The following TENM2 variants were observed in gnomAD, a reference collection of about 807,000 sequenced individuals.
TENM2 encodes the protein teneurin transmembrane protein 2, also known as teneurin-2.
Under a neutral mutation model 245.2 loss-of-function variants are expected in TENM2, and 52 were observed. That is an observed-to-expected ratio of 0.21 (90% CI 0.17 to 0.27). The LOEUF is 0.27. TENM2 is among the 10% of genes least tolerant of loss of function. The pLI is 1.00. For synonymous variants in TENM2, 1,363 were observed against 1,438.9 expected, an observed-to-expected ratio of 0.95 and a Z score of 1.19; for missense variants, 3,046 against 3,666.8, an observed-to-expected ratio of 0.83 and a Z score of 4.37.
chr5:167,307,093 G>T (rs2127746291), intron 1 of TENM2, among the ~76,000 whole-genome samples: 1 of 152,324 alleles, frequency 6.6e-6, no homozygotes, highest in African/African-American at 2.4e-5. Flanking sequence ...CCAGAGGGAA[G>T]AAATCAAATC....
chr5:167,038,099 G>GACCT, the TENM2 span, among the ~76,000 whole-genome samples: 1 of 152,180 alleles, frequency 6.6e-6, no homozygotes, highest in South Asian at 2.1e-4. Context: ...AAGACTGAGG[G>GACCT]ACCTTCTTAG....
intron 2 of TENM2, among the ~76,000 whole-genome samples, chr5:167,581,884 G>A (rs1202943991): frequency 6.6e-6 from 1 of 151,396 alleles, no homozygotes; most frequent in Non-Finnish European, 1.5e-5. Flanking sequence ...TGAATTTTCA[G>A]TTGTAGATAT....
intron 2 of TENM2, among the ~76,000 whole-genome samples, chr5:167,448,484 G>A (rs902054776): frequency 1.3e-5 from 2 of 149,082 alleles, no homozygotes; most frequent in African/African-American, 5.0e-5. Context: ...TTTAAGATTT[G>A]GATCGGTTTT....
At chr5:167,391,577 A>G (rs1761754401) in intron 2 of TENM2, among the ~76,000 whole-genome samples, 1 of 138,898 alleles carries the variant, frequency 7.2e-6, no homozygotes, top group African/African-American at 2.7e-5. Flanking sequence ...GTGAGCCAAG[A>G]TTGTGCCACT....
the TENM2 span, among the ~76,000 whole-genome samples, chr5:167,229,869 G>T: frequency 6.6e-6 from 1 of 152,164 alleles, no homozygotes. Context: ...GGGCAGGATT[G>T]GTTTCCCTGG....
chr5:167,187,828 AAAT>A, the TENM2 span, among the ~76,000 whole-genome samples: 1 of 152,114 alleles, frequency 6.6e-6, no homozygotes, highest in Non-Finnish European at 1.5e-5. Context: ...TAAAGAGGGA[AAAT>A]AATTGCTGCT....
Position 167,880,168 on chromosome 5 carries a change from G to A in TENM2, c.712+3973G>A, listed in dbSNP as rs182250549. On this transcript the variant is annotated intron_variant, in intron 3 of 28. Coordinates refer to ENST00000518659, the Ensembl canonical transcript of TENM2. Reference sequence around the variant, plus strand: ...ATGCCTCAGCCTCCCTAGTAGCTGGGATTACAGGTGCACACCACCATACTT... The same window carrying A: ...ATGCCTCAGCCTCCCTAGTAGCTGGAATTACAGGTGCACACCACCATACTT... 2.2e-4 allele frequency among the ~76,000 whole-genome samples: 33 copies of A among 152,184 alleles called. No individual in the cohort carries two copies. The East Asian group carries it at 6.2e-3, about 29-fold the overall frequency.
chr5:167,098,026 G>A, the TENM2 span, among the ~76,000 whole-genome samples: 16 of 152,048 alleles, frequency 1.1e-4, no homozygotes, highest in East Asian at 3.9e-4. Context: ...TTTTTCCTCC[G>A]AGTTTATGTT....
At chr5:167,417,503 C>A (rs1763230139) in intron 2 of TENM2, among the ~76,000 whole-genome samples, 1 of 152,142 alleles carries the variant, frequency 6.6e-6, no homozygotes, top group Non-Finnish European at 1.5e-5. Context: ...GCCTACAGAA[C>A]TTATGTGCTT....
chr5:167,456,304 T>C (rs6555746), intron 2 of TENM2, among the ~76,000 whole-genome samples: 150,202 of 152,294 alleles, frequency 0.99, 74,099 homozygotes, highest in Middle Eastern at 1. Flanking sequence ...ATTACTTAAT[T>C]TTATTCCATA....
At position 167,551,880 on chromosome 5, in the gene TENM2, C is replaced by T. The variant is rs554385061; in HGVS notation, c.502+176407C>T. ...CTGCAGTACTTGAATCATGAAGTCT[C>T]CCAAGTTGGTGTTGACTTCTAGGCT... On this transcript the variant is annotated intron_variant, in intron 2 of 28. Transcript: ENST00000518659. Among the ~76,000 whole-genome samples, 9 of 152,198 alleles carry T rather than the reference C, an allele frequency of 5.9e-5. No homozygotes were observed. The East Asian group carries it at 1.5e-3, about 26-fold the overall frequency.
intron 2 of TENM2, among the ~76,000 whole-genome samples, chr5:167,537,250 C>CAAAAA (rs386405596): frequency 6.4e-5 from 7 of 108,670 alleles, no homozygotes; most frequent in South Asian, 3.4e-4. Context: ...CCATCTCTAC[C>CAAAAA]AAAAAAAAAA....
chr5:167,051,469 A>G, the TENM2 span, among the ~76,000 whole-genome samples: 1 of 151,296 alleles, frequency 6.6e-6, no homozygotes, highest in Non-Finnish European at 1.5e-5. Context: ...TTCCTTTACT[A>G]AGACATCAGA....
the TENM2 span, among the ~76,000 whole-genome samples, chr5:167,258,974 T>C: frequency 4.6e-5 from 7 of 152,174 alleles, no homozygotes; most frequent in African/African-American, 1.4e-4. Context: ...TCAATGCTTC[T>C]CAAGCCTGAA....
chr5:167,322,962 G>A (rs1581742882), intron 1 of TENM2, among the ~76,000 whole-genome samples: 2 of 152,196 alleles, frequency 1.3e-5, no homozygotes, highest in East Asian at 3.9e-4. Context: ...AATAGAAATA[G>A]TCATGTGCTA....
At chr5:167,167,209 A>C in the TENM2 span, among the ~76,000 whole-genome samples, 3 of 152,174 alleles carry the variant, frequency 2.0e-5, no homozygotes, top group African/African-American at 7.2e-5. Context: ...AATTCTGACA[A>C]ACCAGGGTGT....
intron 2 of TENM2, among the ~76,000 whole-genome samples, chr5:167,668,054 T>C (rs1755688399): frequency 6.6e-6 from 1 of 152,178 alleles, no homozygotes; most frequent in Non-Finnish European, 1.5e-5. Flanking sequence ...ATGGCACAAT[T>C]CTCATAACAA....
At chr5:167,748,018 G>A (rs986868860) in intron 2 of TENM2, among the ~76,000 whole-genome samples, 9 of 152,126 alleles carry the variant, frequency 5.9e-5, no homozygotes, top group Non-Finnish European at 1.3e-4. Context: ...TAGGATAAAA[G>A]TCTAGTTTTA....
At chr5:167,537,403 C>G (rs539662131) in intron 2 of TENM2, among the ~76,000 whole-genome samples, 10 of 152,316 alleles carry the variant, frequency 6.6e-5, no homozygotes, top group Admixed American at 5.9e-4. Flanking sequence ...TCATCCTCAT[C>G]ATGTTTCAGT....
Sources: allele counts gnomAD v4.1 joint callset (sites outside exome capture counted in the v4.1 genomes callset), GRCh38; gene constraint gnomAD v4.1.1; transcripts MANE v1.5; gene names NCBI Gene and HGNC (gene_info 2026-07-23, HGNC 2026-07-21).